The following TEK variants were observed in gnomAD, a reference collection of about 807,000 sequenced individuals.
The protein encoded by TEK is TEK receptor tyrosine kinase.
In TEK, 43 loss-of-function variants were observed where a neutral mutation model predicts 131.8. The observed-to-expected ratio is 0.33, with a 90% CI of 0.26 to 0.42. The LOEUF (loss-of-function observed/expected upper bound fraction) is 0.42, where lower values mean the gene tolerates loss of function less well. Among genes scored for constraint, TEK ranks in the 10% least tolerant of loss-of-function variants. The probability of loss-of-function intolerance (pLI) is 1.00; values close to 1 mark genes in which losing one functional copy is unlikely to be tolerated. For synonymous variants in TEK, 580 were observed against 491.6 expected, an observed-to-expected ratio of 1.18 and a Z score of -2.38; for missense variants, 1,162 against 1,384.4, an observed-to-expected ratio of 0.84 and a Z score of 2.55.
chr9:27,170,404 C>A (rs994933), intron 4 of TEK, among the ~76,000 whole-genome samples: 7 of 151,806 alleles, frequency 4.6e-5, no homozygotes, highest in African/African-American at 1.7e-4. Context: ...TTTGAGAGGC[C>A]CTTTGAGCTC....
intron 19 of TEK, among the ~76,000 whole-genome samples, chr9:27,218,130 T>TTGA (rs9298888): frequency 9.3e-5 from 13 of 139,634 alleles, no homozygotes; most frequent in South Asian, 2.5e-4. Flanking sequence ...GGCCAGACAG[T>TTGA]GGCGGGGGTC....
At chr9:27,211,132 T>A (rs187217764) in intron 16 of TEK, among the ~76,000 whole-genome samples, 13,299 of 147,748 alleles carry the variant, frequency 0.09, 662 homozygotes, top group African/African-American at 0.11. Context: ...AAAAAAAATA[T>A]ATATATATAT....
intron 2 of TEK, among the ~76,000 whole-genome samples, chr9:27,165,231 T>C (rs1823686563): frequency 6.6e-6 from 1 of 152,202 alleles, no homozygotes; most frequent in Non-Finnish European, 1.5e-5. Flanking sequence ...AACACAATAC[T>C]GAGTGAGAAG....
intron 9 of TEK, among the ~76,000 whole-genome samples, chr9:27,188,094 C>T (rs35275206): frequency 0.075 from 11,432 of 152,040 alleles, 569 homozygotes; most frequent in South Asian, 0.11. Flanking sequence ...ACATGATAAC[C>T]AGTGAAAGAA....
At chr9:27,195,944 G>A (rs1337940204) in intron 11 of TEK, among the ~76,000 whole-genome samples, 1 of 152,152 alleles carries the variant, frequency 6.6e-6, no homozygotes, top group East Asian at 1.9e-4. Context: ...GCTCCTGTGG[G>A]TGATTATGGC....
At position 27,190,535 on chromosome 9, in the gene TEK, C is replaced by T; in HGVS notation, c.1334C>T (p.Pro445Leu). The T allele has an allele frequency of 1.2e-6, 2 of 1,613,946 alleles. No homozygotes were observed. The stretch of plus-strand genomic sequence containing the variant: ...CTTCTGAAATTGTATTTAGTTCTTC[C>T]AAAGCCCCTGAATGCCCCAAACGTG... Reference protein sequence around the residue: ...KPFNISVKVLPKPLNAPNVID... With the variant: ...KPFNISVKVLLKPLNAPNVID... Residue 445 changes from proline to leucine, a missense_variant, in exon 10 of 23, where the codon CCA becomes CTA. This residue lies in a region of TEK where 477 missense variants were observed against 471.0 expected (regional missense o/e 1.01). Coordinates refer to ENST00000380036, the MANE Select transcript of TEK (RefSeq NM_000459.5).
chr9:27,126,934 A>G (rs1822010710), intron 1 of TEK, among the ~76,000 whole-genome samples: 1 of 152,186 alleles, frequency 6.6e-6, no homozygotes, highest in South Asian at 2.1e-4. Context: ...CCAAAACAAC[A>G]TAAAACAGAT....
intron 9 of TEK, among the ~76,000 whole-genome samples, chr9:27,187,713 C>G (rs747239140): frequency 5.3e-5 from 8 of 152,080 alleles, no homozygotes; most frequent in Non-Finnish European, 1.0e-4. Context: ...ATGAAGGCAT[C>G]AGCAGAGTTT....
At chr9:27,163,664 A>T (rs1293225518) in intron 2 of TEK, among the ~76,000 whole-genome samples, 1 of 152,168 alleles carries the variant, frequency 6.6e-6, no homozygotes, top group Non-Finnish European at 1.5e-5. Context: ...CAACTTCCAC[A>T]TTTATTCACT....
intron 1 of TEK, among the ~76,000 whole-genome samples, chr9:27,145,923 A>T (rs1822900430): frequency 6.6e-6 from 1 of 152,210 alleles, no homozygotes; most frequent in African/African-American, 2.4e-5. Flanking sequence ...TGAAATACAA[A>T]ACTAAGCATG....
At chr9:27,216,410 TA>T (rs1467726159) in intron 18 of TEK, among the ~76,000 whole-genome samples, 3 of 151,960 alleles carry the variant, frequency 2.0e-5, no homozygotes, top group Admixed American at 2.0e-4. Context: ...ACAAGGAACT[TA>T]ACAATTAGGA....
intron 1 of TEK, among the ~76,000 whole-genome samples, chr9:27,147,395 G>A (rs1822970941): frequency 6.6e-6 from 1 of 151,750 alleles, no homozygotes; most frequent in African/African-American, 2.4e-5. Flanking sequence ...CTGGTGAAGT[G>A]TCTCAAATCT....
chr9:27,192,527 C>G lies in TEK; in HGVS notation c.1528C>G (p.Arg510Gly). Residue 510 changes from arginine to glycine, a missense_variant, in exon 11 of 23, where the codon CGG becomes GGG. Arg to Gly is a moderately radical substitution (Grantham distance 125). Around this residue, in one of 6 missense-constraint regions of TEK, gnomAD observed 477 missense variants for 471.0 expected, o/e 1.01. Transcript: ENST00000380036. ...TGTTACACTCAACTATTTGGAACCT[C>G]GGACAGAATATGAACTCTGTGTGCA... ...EIVTLNYLEP[R>G]TEYELCVQLV... 1 of 1,613,978 alleles carries G rather than the reference C, an allele frequency of 6.2e-7. No individual in the cohort carries two copies. The highest frequency in any genetic ancestry group is 1.1e-5 in the South Asian group (1 of 91,072).
At chr9:27,178,342 A>G (rs1824244722) in intron 6 of TEK, among the ~76,000 whole-genome samples, 6 of 152,078 alleles carry the variant, frequency 3.9e-5, no homozygotes, top group Admixed American at 2.0e-4. Flanking sequence ...TGCCAGTACC[A>G]TACTGTTTTT....
intron 7 of TEK, among the ~76,000 whole-genome samples, chr9:27,182,666 C>A (rs897182822): frequency 6.6e-6 from 1 of 152,194 alleles, no homozygotes; most frequent in African/African-American, 2.4e-5. Context: ...TCAAACATGT[C>A]TCACATTCAA....
intron 1 of TEK, among the ~76,000 whole-genome samples, chr9:27,144,327 A>G (rs1822837629): frequency 1.3e-5 from 2 of 152,180 alleles, no homozygotes; most frequent in African/African-American, 4.8e-5. Context: ...AGCTCATGCG[A>G]AGATGCTATG....
intron 12 of TEK, among the ~76,000 whole-genome samples, chr9:27,202,148 A>C (rs1825236146): frequency 1.3e-5 from 2 of 152,180 alleles, no homozygotes; most frequent in Non-Finnish European, 2.9e-5. Context: ...ACCTCAAGGC[A>C]TCTCTTTCTC....
intron 1 of TEK, among the ~76,000 whole-genome samples, chr9:27,146,964 T>C (rs543840289): frequency 3.3e-5 from 5 of 152,148 alleles, no homozygotes; most frequent in East Asian, 1.9e-4. Flanking sequence ...CTCCTGACCT[T>C]GTGATCTGCC....
In TEK at chr9:27,192,715, GTGAGTGGGTGGGT is replaced by G; in HGVS notation, c.1624+93_1624+105del. ...GGAAGACCAGGAAGGGTGGTGGTGG[GTGAGTGGGTGGGT>G]GGGGATGGAGGTGGCAGGAGTTCGC... On this transcript the variant is annotated intron_variant, in intron 11 of 22. Transcript: ENST00000380036. The G allele has an allele frequency of 1.2e-5, 7 of 591,824 alleles. No homozygotes were observed. The Admixed American group carries it at 1.2e-4, about 10-fold the overall frequency. 36.7% of individuals were successfully genotyped at this position (591,824 alleles called of 1,614,324 possible). A position where few individuals can be genotyped will look rare whatever the true frequency, so the allele number is the denominator to read the frequency against.
Sources: allele counts gnomAD v4.1 joint callset (sites outside exome capture counted in the v4.1 genomes callset), GRCh38; gene constraint gnomAD v4.1.1; regional missense constraint gnomAD v4.1.1; transcripts MANE v1.5; gene names NCBI Gene and HGNC (gene_info 2026-07-23, HGNC 2026-07-21).